SYT1: variants seen among roughly 807,000 people sequenced by gnomAD.
SYT1 encodes synaptotagmin 1.
Under a neutral mutation model 44.8 loss-of-function variants are expected in SYT1, and 8 were observed. The ratio of observed to expected loss-of-function variants is 0.18; its 90% CI spans 0.10 to 0.32. The LOEUF (loss-of-function observed/expected upper bound fraction) is 0.32. Ranked by LOEUF, SYT1 falls within the 10% of genes least tolerant of loss-of-function variation. The pLI, the probability that SYT1 is intolerant of heterozygous loss-of-function variation, is 1.00. For missense variants in SYT1, 286 were observed against 509.3 expected, an observed-to-expected ratio of 0.56 and a Z score of 4.22; for synonymous variants, 154 against 188.8, an observed-to-expected ratio of 0.82 and a Z score of 1.51.
chr12:78,941,096 C>T (rs1338957448), intron 1 of SYT1, among the ~76,000 whole-genome samples: 3 of 115,638 alleles, frequency 2.6e-5, no homozygotes, highest in Non-Finnish European at 5.0e-5. Flanking sequence ...GATGGAGTCT[C>T]GCTCTGTCGC....
chr12:79,296,270 T>C (rs372733520), intron 7 of SYT1, 34 bp downstream of exon 7: 135 of 1,590,740 alleles, frequency 8.5e-5, no homozygotes, highest in Non-Finnish European at 1.1e-4. Context: ...ACCTTTCCTT[T>C]GTTGTTTTAC....
chr12:78,994,451 T>C (rs983871596), intron 2 of SYT1, among the ~76,000 whole-genome samples: 1 of 151,752 alleles, frequency 6.6e-6, no homozygotes, highest in South Asian at 2.1e-4. Flanking sequence ...AGTGTCATCA[T>C]AATTTTTCTT....
chr12:78,962,278 G>T (rs946541982), intron 1 of SYT1, among the ~76,000 whole-genome samples: 3 of 150,508 alleles, frequency 2.0e-5, no homozygotes, highest in Non-Finnish European at 4.4e-5. Context: ...TTAATACGAG[G>T]TAAAGTATTT....
chr12:79,066,825 A>G lies in SYT1; in HGVS notation c.-18+19463A>G, dbSNP rs146325693. 1.4e-4 allele frequency among the ~76,000 whole-genome samples: 21 copies of G among 152,314 alleles called. No individual in the cohort carries two copies. In the East Asian group the frequency reaches 1.5e-3, roughly 11 times the overall value. On this transcript the variant is annotated intron_variant, in intron 3 of 10. Transcript: ENST00000261205. ...TTTTGGTCTAGTTGGTTCCCCTTGCATAATCCATTAGCTTAAACTAATTGC... is the reference window on the plus strand; with the variant it reads ...TTTTGGTCTAGTTGGTTCCCCTTGCGTAATCCATTAGCTTAAACTAATTGC...
chr12:79,045,307 G>T (rs532011555), intron 2 of SYT1, among the ~76,000 whole-genome samples: 2 of 152,236 alleles, frequency 1.3e-5, no homozygotes, highest in Non-Finnish European at 1.5e-5. Context: ...AGCCAGGTGC[G>T]GGATATAATC....
intron 1 of SYT1, among the ~76,000 whole-genome samples, chr12:78,925,695 G>A (rs1217429686): frequency 6.6e-6 from 1 of 151,672 alleles, no homozygotes; most frequent in East Asian, 1.9e-4. Context: ...GCATTACCTG[G>A]CACATATTTA....
chr12:79,180,573 C>G (rs1440463726), intron 3 of SYT1, among the ~76,000 whole-genome samples: 1 of 151,842 alleles, frequency 6.6e-6, no homozygotes, highest in Non-Finnish European at 1.5e-5. Flanking sequence ...CTGAGGAGGC[C>G]TCAGGAAACT....
chr12:79,440,876 G>A (rs2136195797), intron 9 of SYT1, among the ~76,000 whole-genome samples: 1 of 152,248 alleles, frequency 6.6e-6, no homozygotes, highest in Non-Finnish European at 1.5e-5. Flanking sequence ...TAGGAGCAAG[G>A]TCTAGATCTC....
chr12:79,148,640 TA>T (rs1171410577), intron 3 of SYT1, among the ~76,000 whole-genome samples: 6 of 152,094 alleles, frequency 3.9e-5, no homozygotes, highest in African/African-American at 1.4e-4. Context: ...CCTTGAAACA[TA>T]AATGGGCACT....
chr12:79,075,639 A>G (rs1239602578), intron 3 of SYT1, among the ~76,000 whole-genome samples: 1 of 152,182 alleles, frequency 6.6e-6, no homozygotes, highest in Admixed American at 6.6e-5. Context: ...TAAAATAAGA[A>G]TATCGGCTAT....
intron 4 of SYT1, among the ~76,000 whole-genome samples, chr12:79,269,157 T>A (rs1306602890): frequency 6.6e-6 from 1 of 151,984 alleles, no homozygotes; most frequent in African/African-American, 2.4e-5. Context: ...AATGTTTTCA[T>A]ACATTTGTTC....
chr12:79,407,708 T>C (rs1291274169), intron 9 of SYT1, among the ~76,000 whole-genome samples: 1 of 152,092 alleles, frequency 6.6e-6, no homozygotes, highest in Admixed American at 6.6e-5. Flanking sequence ...GACTATTTGG[T>C]GGCCCCTCCT....
upstream of SYT1, chr12:78,864,112 C>A (rs1436380543): frequency 6.6e-6 from 1 of 152,464 alleles, no homozygotes; most frequent in Non-Finnish European, 1.5e-5. Context: ...CTCCGGCAGC[C>A]AGGTGGGCCA....
intron 4 of SYT1, among the ~76,000 whole-genome samples, chr12:79,282,706 T>C (rs1356116304): frequency 6.6e-6 from 1 of 152,186 alleles, no homozygotes; most frequent in African/African-American, 2.4e-5. Context: ...TCCGTATACA[T>C]TTTTAATATT....
chr12:79,445,598 G>A (rs1314439239), intron 10 of SYT1, among the ~76,000 whole-genome samples: 1 of 151,378 alleles, frequency 6.6e-6, no homozygotes, highest in African/African-American at 2.4e-5. Context: ...ATGTCTGCCA[G>A]TTCCATCCAT....
At chr12:78,921,993 TAAA>T (rs3065426) in intron 1 of SYT1, among the ~76,000 whole-genome samples, 40 of 148,966 alleles carry the variant, frequency 2.7e-4, no homozygotes, top group African/African-American at 7.4e-5. Flanking sequence ...CTTTAAAGAA[TAAA>T]AAAAAAAACT....
intron 1 of SYT1, among the ~76,000 whole-genome samples, chr12:78,893,002 A>C (rs112529350): frequency 1.3e-5 from 2 of 151,858 alleles, no homozygotes; most frequent in African/African-American, 4.8e-5. Flanking sequence ...AAATTGCCCA[A>C]ATAAGTTGAT....
In SYT1 at chr12:79,285,745, C is replaced by A. The variant is rs1332467054; in HGVS notation, c.167-42C>A. On this transcript the variant is annotated intron_variant, in intron 4 of 10. Coordinates refer to ENST00000261205, the MANE Select transcript of SYT1 (RefSeq NM_005639.3). ...CCATGAGTTAAAAGGTTTTCCACAT[C>A]TAAGTGTTGTATGACTAGTGCTCTC... is the stretch of plus-strand genomic sequence containing the variant. 3 of 1,468,548 alleles carry A rather than the reference C, an allele frequency of 2.0e-6. No homozygotes were observed. The Admixed American group carries it at 6.6e-5, about 32-fold the overall frequency. 91.0% of individuals were successfully genotyped at this position (1,468,548 alleles called of 1,614,324 possible). A position where few individuals can be genotyped will look rare whatever the true frequency, so the allele number is the denominator to read the frequency against.
chr12:79,246,312 G>A (rs182632122), intron 4 of SYT1, among the ~76,000 whole-genome samples: 9 of 151,952 alleles, frequency 5.9e-5, no homozygotes, highest in Non-Finnish European at 1.0e-4. Context: ...CATCAGCTTC[G>A]CATGTGTGAA....
Sources: gnomAD v4.1 joint callset for allele counts (sites outside exome capture counted in the v4.1 genomes callset) on GRCh38, gnomAD v4.1.1 for gene constraint, MANE v1.5 for transcripts, NCBI Gene and HGNC (gene_info 2026-07-23, HGNC 2026-07-21) for gene names.